EFHD2: variants seen among roughly 807,000 people sequenced by gnomAD.
The protein encoded by EFHD2 is EF-hand domain-containing protein D2.
A neutral mutation model predicts 20.3 loss-of-function variants in EFHD2; 12 were observed. The ratio of observed to expected loss-of-function variants is 0.59; its 90% CI spans 0.38 to 0.96. The LOEUF (loss-of-function observed/expected upper bound fraction) is 0.96. EFHD2 is among the 40% of genes least tolerant of loss of function. EFHD2 has a pLI of 0.00. For synonymous variants in EFHD2, 131 were observed against 143.9 expected, an observed-to-expected ratio of 0.91 and a Z score of 0.64; for missense variants, 250 against 334.3, an observed-to-expected ratio of 0.75 and a Z score of 1.97.
At chr1:15,410,790 A>G (rs746941446) in intron 1 of EFHD2, among the ~76,000 whole-genome samples, 11 of 126,748 alleles carry the variant, frequency 8.7e-5, no homozygotes, top group Non-Finnish European at 1.6e-4. Context: ...GTGCCCCTCG[A>G]CACCACATGC....
At chr1:15,418,562 C>T (rs572260155) in intron 1 of EFHD2, among the ~76,000 whole-genome samples, 2 of 152,230 alleles carry the variant, frequency 1.3e-5, no homozygotes, top group East Asian at 1.9e-4. Flanking sequence ...GCCTTGGCCT[C>T]CCAAAGTGCT....
chr1:15,424,062 T>C (rs1462759387), intron 1 of EFHD2, among the ~76,000 whole-genome samples: 1 of 151,408 alleles, frequency 6.6e-6, no homozygotes, highest in Non-Finnish European at 1.5e-5. Flanking sequence ...CATGGTGGCA[T>C]GCACCTGCAG....
At position 15,409,890 on chromosome 1, in the gene EFHD2, G is replaced by A; in HGVS notation, c.-82G>A. The A allele has an allele frequency of 8.5e-7, 1 of 1,182,042 alleles. No individual in the cohort carries two copies. Among genetic ancestry groups the A allele is most frequent in the African/African-American group, 1.6e-5 (1 of 62,386 alleles). 73.2% of individuals were successfully genotyped at this position (1,182,042 alleles called of 1,614,324 possible). Reference sequence around the variant, plus strand: ...TCGGGGGCGGTGCCTGGCCCGGGGAGTGTCAGGAAGAGGAAGAGCGCGGCC... The same window carrying A: ...TCGGGGGCGGTGCCTGGCCCGGGGAATGTCAGGAAGAGGAAGAGCGCGGCC... On this transcript the variant is annotated 5_prime_UTR_variant, in exon 1 of 4. The change creates a new upstream start codon in the 5' untranslated region. Transcript: ENST00000375980.
intron 1 of EFHD2, among the ~76,000 whole-genome samples, chr1:15,423,596 A>G (rs1222333402): frequency 2.6e-5 from 4 of 152,194 alleles, no homozygotes; most frequent in Admixed American, 2.6e-4. Context: ...AACCTCTCTG[A>G]GCCTTGGTCA....
intron 1 of EFHD2, among the ~76,000 whole-genome samples, chr1:15,421,339 C>T (rs1452556129): frequency 1.3e-5 from 2 of 152,112 alleles, no homozygotes; most frequent in Non-Finnish European, 2.9e-5. Flanking sequence ...TGGCCACTCT[C>T]CAGGAGTCTC....
Position 15,418,443 on chromosome 1 carries a change from C to T in EFHD2, c.309-7428C>T, listed in dbSNP as rs373128331. Among the ~76,000 whole-genome samples the T allele has an allele frequency of 4.4e-3, 666 of 151,228 alleles. 3 individuals are homozygous for T. Among genetic ancestry groups the T allele is most frequent in the African/African-American group, 0.014 (573 of 41,080 alleles). The stretch of plus-strand genomic sequence containing the variant: ...GCCTCAGCCTCCCGAGTAGCTGGGA[C>T]TACAGGCGCCCACCATCACGCCCGG... On this transcript the variant is annotated intron_variant, in intron 1 of 3. Coordinates refer to ENST00000375980, the MANE Select transcript of EFHD2 (RefSeq NM_024329.6).
chr1:15,422,554 C>T (rs1175184830), intron 1 of EFHD2, among the ~76,000 whole-genome samples: 2 of 151,612 alleles, frequency 1.3e-5, no homozygotes, highest in Non-Finnish European at 2.9e-5. Flanking sequence ...GGCACATGCA[C>T]CCCAGCTTAA....
intron 1 of EFHD2, among the ~76,000 whole-genome samples, chr1:15,418,643 C>A (rs866742580): frequency 5.3e-5 from 8 of 152,142 alleles, no homozygotes; most frequent in Non-Finnish European, 1.2e-4. Context: ...ATAGGCCCCC[C>A]CTTAAGTAAG....
In EFHD2 at chr1:15,430,299, T is replaced by C. The variant is rs1327190647; in HGVS notation, c.*1575T>C. 1 of 152,178 alleles carries C rather than the reference T, an allele frequency of 6.6e-6. No individual in the cohort carries two copies. Among genetic ancestry groups the C allele is most frequent in the Non-Finnish European group, 1.5e-5 (1 of 68,108 alleles). The allele number at this position is 152,178 out of a possible 1,614,324, so 9.4% of individuals were successfully genotyped here. On this transcript the variant is annotated 3_prime_UTR_variant, in exon 4 of 4. Coordinates refer to ENST00000375980, the MANE Select transcript of EFHD2 (RefSeq NM_024329.6). ...CTACTTCTTCATTCCGTGGTACGAT[T>C]ATTTTTTTTAACTAAAGGAAGATAA...
chr1:15,427,656 C>T (rs899861185), intron 3 of EFHD2, among the ~76,000 whole-genome samples: 3 of 152,196 alleles, frequency 2.0e-5, no homozygotes, highest in Non-Finnish European at 4.4e-5. Context: ...CCCACCAGCC[C>T]CAGCCTAGGA....
chr1:15,411,590 T>C (rs1707517675), intron 1 of EFHD2, among the ~76,000 whole-genome samples: 1 of 151,676 alleles, frequency 6.6e-6, no homozygotes, highest in South Asian at 2.1e-4. Context: ...CCCCTGCCCC[T>C]GGCTCCTGGA....
At chr1:15,419,939 C>A (rs887777915) in intron 1 of EFHD2, among the ~76,000 whole-genome samples, 3 of 152,200 alleles carry the variant, frequency 2.0e-5, no homozygotes, top group Non-Finnish European at 2.9e-5. Flanking sequence ...AGGGCTCTGT[C>A]CAGCGGTCTT....
At position 15,427,220 on chromosome 1, in the gene EFHD2, G is replaced by A. The variant is rs202209155; in HGVS notation, c.527G>A (p.Arg176His). The A allele has an allele frequency of 1.9e-5, 31 of 1,608,708 alleles. No homozygotes were observed. The highest frequency in any genetic ancestry group is 1.0e-4 in the Admixed American group (6 of 59,154). The part of the protein sequence containing the change: ...QEDSGLCVLA[R>H]LSEIDVSSEG... ...GACAGCGGGCTGTGCGTGCTGGCCC[G>A]CCTCTCTGAGATCGACGTCTCCAGT... is the stretch of plus-strand genomic sequence containing the variant. The change falls in exon 3 of 4, where the codon CGC (arginine) becomes CAC (histidine). Residue 176 changes from arginine to histidine, a missense_variant. Around this residue, in one of 3 missense-constraint regions of EFHD2, gnomAD observed 100 missense variants for 116.2 expected, o/e 0.86. Coordinates refer to ENST00000375980, the MANE Select transcript of EFHD2 (RefSeq NM_024329.6).
In EFHD2 at chr1:15,411,843, C is replaced by T. The variant is rs553366140; in HGVS notation, c.308+1564C>T. ...AGCTGTCAGTGCCCCAACATCAAGC[C>T]GGAAGCCCAGGAAGGGGCGTTTTGC... On this transcript the variant is annotated intron_variant, in intron 1 of 3. Transcript: ENST00000375980. Among the ~76,000 whole-genome samples, 15 of 152,268 alleles carry T rather than the reference C, an allele frequency of 9.9e-5. 1 individual carries two copies. The Middle Eastern group carries it at 0.024, about 242-fold the overall frequency.
At chr1:15,417,154 C>T (rs754628159) in intron 1 of EFHD2, among the ~76,000 whole-genome samples, 9 of 152,166 alleles carry the variant, frequency 5.9e-5, no homozygotes, top group Non-Finnish European at 1.3e-4. Context: ...TGCACACTGA[C>T]GTTTAAGAAG....
rs6695499 is a variant in EFHD2, at chr1:15,429,180, G to A, written c.*456G>A. ...CCAGCCCCTTCCCAGGCTGGGAGACGGCAGAAGAGATAGAATCAGGGCTGC... is the reference window on the plus strand; with the variant it reads ...CCAGCCCCTTCCCAGGCTGGGAGACAGCAGAAGAGATAGAATCAGGGCTGC... On this transcript the variant is annotated 3_prime_UTR_variant, in exon 4 of 4. Transcript: ENST00000375980. 39,443 of 187,140 alleles carry A rather than the reference G, an allele frequency of 0.21. 4,491 individuals are homozygous for A. Among genetic ancestry groups the A allele is most frequent in the Non-Finnish European group, 0.24 (20,960 of 88,834 alleles). 11.6% of individuals were successfully genotyped at this position (187,140 alleles called of 1,614,324 possible). A position where few individuals can be genotyped will look rare whatever the true frequency, so the allele number is the denominator to read the frequency against.
chr1:15,423,960 TAGG>T (rs1352502865), intron 1 of EFHD2, among the ~76,000 whole-genome samples: 1 of 151,852 alleles, frequency 6.6e-6, no homozygotes, highest in African/African-American at 2.4e-5. Context: ...GAGGCTGATG[TAGG>T]AGGATTGCTT....
chr1:15,411,466 C>T (rs1707512584), intron 1 of EFHD2, among the ~76,000 whole-genome samples: 1 of 152,204 alleles, frequency 6.6e-6, no homozygotes, highest in Non-Finnish European at 1.5e-5. Context: ...GGGTCCCACT[C>T]TGTTGGGTCT....
At chr1:15,410,339 C>T (rs1382255187) in intron 1 of EFHD2, 60 bp downstream of exon 1, 6 of 1,474,606 alleles carry the variant, frequency 4.1e-6, no homozygotes, top group East Asian at 5.8e-5. Context: ...GGGCCCCGAA[C>T]CCCCCGATCC....
Sources: gnomAD v4.1 joint callset for allele counts (sites outside exome capture counted in the v4.1 genomes callset) on GRCh38, gnomAD v4.1.1 for gene constraint, gnomAD v4.1.1 regional missense constraint, MANE v1.5 for transcripts, NCBI Gene and HGNC (gene_info 2026-07-23, HGNC 2026-07-21) for gene names.